DCC: variants seen among roughly 807,000 people sequenced by gnomAD.
DCC encodes the protein DCC netrin 1 receptor.
DCC carries 58 observed loss-of-function variants against 172.5 expected under a neutral mutation model. The observed-to-expected ratio is 0.34, with a 90% CI of 0.27 to 0.42. DCC has a LOEUF of 0.42. Ranked by LOEUF, DCC falls within the 10% of genes least tolerant of loss-of-function variation. The pLI, the probability that DCC is intolerant of heterozygous loss-of-function variation, is 1.00. For missense variants in DCC, 1,740 were observed against 1,791.0 expected (o/e 0.97, Z 0.51); for synonymous variants, 709 against 644.5 (o/e 1.10, Z -1.52).
chr18:52,876,057 T>C (rs1009735391), intron 2 of DCC, among the ~76,000 whole-genome samples: 3 of 152,126 alleles, frequency 2.0e-5, no homozygotes, highest in African/African-American at 7.2e-5. Context: ...GCTGATCTAG[T>C]ATTTTGATGT....
Position 53,063,420 on chromosome 18 carries a change from T to C in DCC, c.1101T>C (p.Asn367=). 6.2e-7 allele frequency: 1 copy of C among 1,612,408 alleles called. No individual in the cohort carries two copies. Among genetic ancestry groups the C allele is most frequent in the Non-Finnish European group, 8.5e-7 (1 of 1,178,566 alleles). ...KPVPTVNWMK[N]GDVVIPSDYF... ...TGCCCACTGTGAATTGGATGAAGAATGGAGATGTGGTCATTCCTAGTGATT... is the reference window on the plus strand; with the variant it reads ...TGCCCACTGTGAATTGGATGAAGAACGGAGATGTGGTCATTCCTAGTGATT... Residue 367 remains asparagine (N), a synonymous_variant, in exon 6 of 29, where the codon AAT becomes AAC. Transcript: ENST00000442544.
At chr18:53,486,988 C>T (rs1295662334) in intron 26 of DCC, 30 bp downstream of exon 26, 6 of 1,613,412 alleles carry the variant, frequency 3.7e-6, no homozygotes, top group East Asian at 4.5e-5. Context: ...TTTTAATAAG[C>T]ACAAATGAAT....
At chr18:53,000,210 C>A (rs2041542834) in intron 5 of DCC, among the ~76,000 whole-genome samples, 1 of 151,996 alleles carries the variant, frequency 6.6e-6, no homozygotes, top group African/African-American at 2.4e-5. Flanking sequence ...AATAGAATAC[C>A]TGAAAGGCTT....
intron 5 of DCC, among the ~76,000 whole-genome samples, chr18:53,042,647 A>G (rs1446653034): frequency 2.0e-5 from 3 of 152,066 alleles, no homozygotes; most frequent in Non-Finnish European, 4.4e-5. Flanking sequence ...AAGTGGGCGA[A>G]GTATATGAAC....
intron 8 of DCC, among the ~76,000 whole-genome samples, chr18:53,177,413 T>A (rs998606107): frequency 6.6e-6 from 1 of 152,182 alleles, no homozygotes. Context: ...CCACTCAGGG[T>A]GCATATTTTA....
intron 1 of DCC, among the ~76,000 whole-genome samples, chr18:52,373,493 A>G (rs965689793): frequency 6.6e-6 from 1 of 152,196 alleles, no homozygotes; most frequent in Non-Finnish European, 1.5e-5. Flanking sequence ...TTTGCTGTAT[A>G]TTTAAAATTA....
chr18:53,371,266 A>T (rs928726257), intron 15 of DCC, among the ~76,000 whole-genome samples: 2 of 151,946 alleles, frequency 1.3e-5, no homozygotes, highest in African/African-American at 4.8e-5. Flanking sequence ...TAAATTATAT[A>T]CTCAAAATAG....
chr18:53,467,704 C>T (rs573416086), intron 24 of DCC, among the ~76,000 whole-genome samples, 190 bp from the exon 25 acceptor site: 55 of 152,146 alleles, frequency 3.6e-4, no homozygotes, highest in South Asian at 8.3e-4. Flanking sequence ...TTATTGTATG[C>T]AATGAGTTTA....
intron 7 of DCC, among the ~76,000 whole-genome samples, chr18:53,107,609 C>T (rs1164097797): frequency 6.6e-6 from 1 of 150,726 alleles, no homozygotes; most frequent in African/African-American, 2.4e-5. Context: ...TGTTTTTCTC[C>T]CTCAATCAGA....
At chr18:53,216,524 G>A (rs2055853496) in intron 12 of DCC, among the ~76,000 whole-genome samples, 1 of 152,142 alleles carries the variant, frequency 6.6e-6, no homozygotes, top group African/African-American at 2.4e-5. Context: ...AGTATCCTAA[G>A]AATTACTATC....
intron 1 of DCC, among the ~76,000 whole-genome samples, chr18:52,546,311 G>A (rs1342028195): frequency 8.8e-6 from 1 of 113,844 alleles, no homozygotes; most frequent in Non-Finnish European, 1.9e-5. Context: ...GTGTAGATCT[G>A]GAATTTGTAG....
chr18:53,436,411 T>G (rs1182838650), intron 22 of DCC, among the ~76,000 whole-genome samples: 1 of 152,202 alleles, frequency 6.6e-6, no homozygotes, highest in Non-Finnish European at 1.5e-5. Flanking sequence ...TTGTTTGATC[T>G]CCTTTTAAAA....
chr18:53,254,687 A>T (rs1488573074), intron 12 of DCC, among the ~76,000 whole-genome samples: 1 of 151,960 alleles, frequency 6.6e-6, no homozygotes, highest in African/African-American at 2.4e-5. Flanking sequence ...GTGCATTTAA[A>T]ATAATTCTCT....
intron 1 of DCC, among the ~76,000 whole-genome samples, chr18:52,570,829 T>C (rs1487437959): frequency 1.3e-5 from 2 of 152,198 alleles, no homozygotes; most frequent in African/African-American, 4.8e-5. Context: ...TGTTTCTTTC[T>C]GTACTGTACA....
intron 24 of DCC, 141 bp from the exon 25 acceptor site, chr18:53,467,753 A>G: frequency 1.3e-6 from 1 of 744,000 alleles, no homozygotes; most frequent in Non-Finnish European, 2.5e-6. Context: ...GTACAATGAA[A>G]TAGATTCAGG....
At chr18:53,080,927 A>G (rs2042791292) in intron 7 of DCC, among the ~76,000 whole-genome samples, 1 of 151,988 alleles carries the variant, frequency 6.6e-6, no homozygotes, top group Non-Finnish European at 1.5e-5. Context: ...TGATGGGATG[A>G]TTCCTCCTTG....
intron 2 of DCC, among the ~76,000 whole-genome samples, chr18:52,889,659 C>T (rs981362796): frequency 1.3e-5 from 2 of 152,060 alleles, no homozygotes; most frequent in African/African-American, 4.8e-5. Context: ...CAGTTAATTG[C>T]TTACAAAACA....
At chr18:53,418,384 T>C (rs1474189412) in intron 21 of DCC, among the ~76,000 whole-genome samples, 1 of 152,092 alleles carries the variant, frequency 6.6e-6, no homozygotes, top group Admixed American at 6.6e-5. Flanking sequence ...CCTCTAAGAT[T>C]GATGAAAATA....
chr18:53,420,231 C>T (rs1231252365), intron 21 of DCC, among the ~76,000 whole-genome samples: 3 of 152,116 alleles, frequency 2.0e-5, no homozygotes, highest in East Asian at 1.9e-4. Flanking sequence ...TCACATTCGA[C>T]GTATAGCTAT....
Sources: gnomAD v4.1 joint callset for allele counts (sites outside exome capture counted in the v4.1 genomes callset) on GRCh38, gnomAD v4.1.1 for gene constraint, MANE v1.5 for transcripts, NCBI Gene and HGNC (gene_info 2026-07-23, HGNC 2026-07-21) for gene names.